TEAD1: variants seen among roughly 807,000 people sequenced by gnomAD.
The protein encoded by TEAD1 is TEA domain transcription factor 1.
In TEAD1, 9 loss-of-function variants were observed where a neutral mutation model predicts 54.9. The ratio of observed to expected loss-of-function variants is 0.16; its 90% CI spans 0.10 to 0.29. The LOEUF (loss-of-function observed/expected upper bound fraction) is 0.29. Among genes scored for constraint, TEAD1 ranks in the 10% least tolerant of loss-of-function variants. The probability of loss-of-function intolerance (pLI) is 1.00; values close to 1 mark genes in which losing one functional copy is unlikely to be tolerated. For synonymous variants in TEAD1, 200 were observed against 187.8 expected (o/e 1.07, Z -0.53); for missense variants, 387 against 535.9 (o/e 0.72, Z 2.74).
rs985264649 is a variant in TEAD1, at chr11:12,701,785, C to T, written c.-55+26224C>T. The stretch of plus-strand genomic sequence containing the variant: ...CTTTAAGAGACTTAGAGCTGGGAGT[C>T]CTGAGTTCCTTTTGAAGCTAAAATA... On this transcript the variant is annotated intron_variant, in intron 2 of 12. Coordinates refer to ENST00000527636, the MANE Select transcript of TEAD1 (RefSeq NM_021961.6). Among the ~76,000 whole-genome samples the T allele has an allele frequency of 3.3e-5, 5 of 152,128 alleles. No homozygotes were observed. The East Asian group carries it at 7.7e-4, about 24-fold the overall frequency.
At chr11:12,889,447 G>A (rs1324928268) in intron 9 of TEAD1, among the ~76,000 whole-genome samples, 2 of 152,206 alleles carry the variant, frequency 1.3e-5, no homozygotes, top group Admixed American at 6.5e-5. Flanking sequence ...CAGACTGCCC[G>A]GTCACCAGGC....
chr11:12,722,226 A>G (rs1944218545), intron 2 of TEAD1, among the ~76,000 whole-genome samples: 1 of 152,206 alleles, frequency 6.6e-6, no homozygotes. Flanking sequence ...GGACTTTTGA[A>G]CAGAACAGAT....
At chr11:12,759,664 C>G (rs1945062195) in intron 2 of TEAD1, among the ~76,000 whole-genome samples, 1 of 152,136 alleles carries the variant, frequency 6.6e-6, no homozygotes, top group Admixed American at 6.6e-5. Context: ...AGTTCGAGAC[C>G]AGCCTGGCCA....
intron 2 of TEAD1, among the ~76,000 whole-genome samples, chr11:12,727,337 C>A (rs7931147): frequency 0.47 from 71,802 of 151,944 alleles, 18,462 homozygotes; most frequent in African/African-American, 0.68. Context: ...GCAGGAGAGG[C>A]AGCTCCATTG....
At chr11:12,874,262 G>T (rs1278670752) in intron 5 of TEAD1, among the ~76,000 whole-genome samples, 2 of 152,126 alleles carry the variant, frequency 1.3e-5, no homozygotes, top group Non-Finnish European at 2.9e-5. Context: ...AATTGATTTT[G>T]CAGAATAATC....
intron 3 of TEAD1, among the ~76,000 whole-genome samples, chr11:12,792,523 A>C (rs1249705488): frequency 6.6e-6 from 1 of 152,170 alleles, no homozygotes. Context: ...CTTAAATGTG[A>C]AATTGTTCTC....
At chr11:12,870,493 T>C (rs1182030719) in intron 5 of TEAD1, among the ~76,000 whole-genome samples, 1 of 151,952 alleles carries the variant, frequency 6.6e-6, no homozygotes, top group Non-Finnish European at 1.5e-5. Context: ...AAAAAGGCAT[T>C]TGTGGCCAGA....
chr11:12,899,854 C>T (rs1948390484), intron 9 of TEAD1, among the ~76,000 whole-genome samples: 2 of 152,194 alleles, frequency 1.3e-5, no homozygotes, highest in South Asian at 4.1e-4. Flanking sequence ...CCAAAAGATA[C>T]TGGCCTCAGT....
intron 3 of TEAD1, among the ~76,000 whole-genome samples, chr11:12,858,688 G>A (rs1468052515): frequency 1.3e-5 from 2 of 152,198 alleles, no homozygotes; most frequent in Non-Finnish European, 2.9e-5. Flanking sequence ...CATCTGAAAA[G>A]CAAGGACATG....
intron 2 of TEAD1, among the ~76,000 whole-genome samples, chr11:12,736,668 A>G (rs1315483918): frequency 6.6e-6 from 1 of 152,192 alleles, no homozygotes; most frequent in African/African-American, 2.4e-5. Context: ...TAATGGCCTT[A>G]TGGAGTGCAG....
intron 12 of TEAD1, among the ~76,000 whole-genome samples, chr11:12,936,339 A>T (rs1300584729): frequency 6.6e-6 from 1 of 152,190 alleles, no homozygotes; most frequent in Non-Finnish European, 1.5e-5. Context: ...AGTATTTCAC[A>T]ATACATTTTG....
chr11:12,758,534 C>T (rs1454947933), intron 2 of TEAD1, among the ~76,000 whole-genome samples: 1 of 151,848 alleles, frequency 6.6e-6, no homozygotes, highest in Admixed American at 6.6e-5. Context: ...CCTCAGCCTC[C>T]TGAGTAGCTG....
chr11:12,874,836 G>A (rs1947823431), intron 5 of TEAD1, among the ~76,000 whole-genome samples: 1 of 152,048 alleles, frequency 6.6e-6, no homozygotes. Context: ...TTGGAAAAGG[G>A]AGATTTCCCT....
At chr11:12,862,540 A>G (rs547946091) in intron 4 of TEAD1, among the ~76,000 whole-genome samples, 1 of 152,196 alleles carries the variant, frequency 6.6e-6, no homozygotes, top group African/African-American at 2.4e-5. Context: ...ACATGGGAAA[A>G]TGTCACTGCT....
intron 3 of TEAD1, among the ~76,000 whole-genome samples, chr11:12,840,246 C>CAAAA (rs1176865272): frequency 0.024 from 766 of 31,352 alleles, 44 homozygotes; most frequent in East Asian, 0.047. Flanking sequence ...GACTCTGCCT[C>CAAAA]AAAAAAAAAA....
intron 3 of TEAD1, among the ~76,000 whole-genome samples, chr11:12,772,711 A>G (rs1047721761): frequency 3.9e-5 from 6 of 152,254 alleles, no homozygotes; most frequent in South Asian, 2.1e-4. Context: ...TTTCCCCCCA[A>G]TATGGTTACA....
rs540354975 is a variant in TEAD1, at chr11:12,775,120, G to A, written c.202+10686G>A. Among the ~76,000 whole-genome samples, 5 of 152,290 alleles carry A rather than the reference G, an allele frequency of 3.3e-5. No homozygotes were observed. In the East Asian group the frequency reaches 9.6e-4, roughly 29 times the overall value. ...TGGAAAAGTAGGAAAGAACACTATG[G>A]AACCATCAAACAGAGTTAAGCATCC... is the stretch of plus-strand genomic sequence containing the variant. On this transcript the variant is annotated intron_variant, in intron 3 of 12. Coordinates refer to ENST00000527636, the MANE Select transcript of TEAD1 (RefSeq NM_021961.6).
At position 12,864,888 on chromosome 11, in the gene TEAD1, T is replaced by C; in HGVS notation, c.318T>C (p.His106=). The C allele has an allele frequency of 6.2e-7, 1 of 1,614,182 alleles. No homozygotes were observed. The highest frequency in any genetic ancestry group is 8.5e-7 in the Non-Finnish European group (1 of 1,180,040). The change falls in exon 5 of 13, where the codon CAT becomes CAC. Residue 106 remains histidine, a synonymous_variant. Coordinates refer to ENST00000527636, the MANE Select transcript of TEAD1 (RefSeq NM_021961.6). ...CCAGAAGGAAATCTCGTGATTTTCA[T>C]TCCAAGCTAAAGGTATGCGCTTTTC...
chr11:12,723,179 G>A (rs991887014), intron 2 of TEAD1, among the ~76,000 whole-genome samples: 1 of 152,146 alleles, frequency 6.6e-6, no homozygotes, highest in African/African-American at 2.4e-5. Context: ...CCAGCAGTGC[G>A]TGAAGGTACC....
Sources: gnomAD v4.1 joint callset for allele counts (sites outside exome capture counted in the v4.1 genomes callset) on GRCh38, gnomAD v4.1.1 for gene constraint, MANE v1.5 for transcripts, NCBI Gene and HGNC (gene_info 2026-07-23, HGNC 2026-07-21) for gene names.